The following CPPED1 variants were observed in gnomAD, a reference collection of about 807,000 sequenced individuals.
CPPED1 encodes the protein calcineurin like phosphoesterase domain containing 1, also known as serine/threonine-protein phosphatase CPPED1.
CPPED1 carries 28 observed loss-of-function variants against 28.0 expected under a neutral mutation model. The ratio of observed to expected loss-of-function variants is 1.00; its 90% CI spans 0.74 to 1.37. The LOEUF is 1.37. Ranked by LOEUF, CPPED1 falls within the 40% of genes most tolerant of loss-of-function variation. The probability of loss-of-function intolerance (pLI) is 0.00; values close to 1 mark genes in which losing one functional copy is unlikely to be tolerated. For missense variants in CPPED1, 504 were observed against 416.5 expected (o/e 1.21, Z -1.83); for synonymous variants, 198 against 180.2 (o/e 1.10, Z -0.79).
Position 12,757,358 on chromosome 16 carries a change from A to G in CPPED1, c.289+23827T>C, listed in dbSNP as rs777766333. The G allele has an allele frequency of 3.9e-5, 6 of 152,088 alleles. No homozygotes were observed. In the East Asian group the frequency reaches 5.8e-4, roughly 15 times the overall value. 9.4% of individuals were successfully genotyped at this position (152,088 alleles called of 1,614,324 possible). Reference sequence around the variant, plus strand: ...CATTACTACAAATTTGAAGGGCCCAATATAATGCAGTCGGCCTACAGGGTT... The same window carrying G: ...CATTACTACAAATTTGAAGGGCCCAGTATAATGCAGTCGGCCTACAGGGTT... On this transcript the variant is annotated intron_variant, in intron 2 of 3. Transcript: ENST00000381774.
chr16:12,779,679 T>G (rs2080518392), intron 2 of CPPED1, among the ~76,000 whole-genome samples: 1 of 152,016 alleles, frequency 6.6e-6, no homozygotes, highest in Non-Finnish European at 1.5e-5. Context: ...GCCCGGCCAT[T>G]CTCATGTTTT....
chr16:12,689,947 T>G (rs1318083736), intron 3 of CPPED1, among the ~76,000 whole-genome samples: 1 of 152,232 alleles, frequency 6.6e-6, no homozygotes, highest in Admixed American at 6.5e-5. Context: ...TCATCCTGAG[T>G]TGCTGCATAC....
chr16:12,697,161 A>G (rs951541435), intron 3 of CPPED1, among the ~76,000 whole-genome samples: 3 of 151,964 alleles, frequency 2.0e-5, no homozygotes, highest in Non-Finnish European at 4.4e-5. Flanking sequence ...AGTAGCTAGG[A>G]CTACAAGTGT....
intron 1 of CPPED1, among the ~76,000 whole-genome samples, chr16:12,795,969 G>T (rs1365388484): frequency 1.3e-5 from 2 of 151,882 alleles, no homozygotes; most frequent in Admixed American, 1.3e-4. Flanking sequence ...TGTAGTCCCA[G>T]CTACTTGGGA....
At chr16:12,728,129 T>A (rs2080178956) in intron 2 of CPPED1, among the ~76,000 whole-genome samples, 1 of 152,182 alleles carries the variant, frequency 6.6e-6, no homozygotes, top group Non-Finnish European at 1.5e-5. Flanking sequence ...CTGGATTTTG[T>A]GTCTTTTTCC....
At chr16:12,690,676 A>G (rs2079957856) in intron 3 of CPPED1, among the ~76,000 whole-genome samples, 1 of 151,958 alleles carries the variant, frequency 6.6e-6, no homozygotes, top group Admixed American at 6.5e-5. Flanking sequence ...AAAAAAAAAA[A>G]AAAAAGACAC....
At chr16:12,759,354 A>T (rs946929484) in intron 2 of CPPED1, 4 of 152,244 alleles carry the variant, frequency 2.6e-5, no homozygotes, top group African/African-American at 9.7e-5. Flanking sequence ...CACTTTCCTC[A>T]CCAGCATGGA....
intron 2 of CPPED1, among the ~76,000 whole-genome samples, chr16:12,719,695 A>T (rs896969037): frequency 1.3e-5 from 2 of 152,136 alleles, no homozygotes; most frequent in African/African-American, 2.4e-5. Context: ...AGCACTTTGG[A>T]AGGCCAAGGC....
chr16:12,743,897 T>G (rs2080269194), intron 2 of CPPED1, among the ~76,000 whole-genome samples: 1 of 151,896 alleles, frequency 6.6e-6, no homozygotes, highest in Non-Finnish European at 1.5e-5. Flanking sequence ...CTCAGCTACT[T>G]GGGAGGCTGA....
chr16:12,710,125 C>T (rs1300536928), intron 2 of CPPED1, among the ~76,000 whole-genome samples: 1 of 152,144 alleles, frequency 6.6e-6, no homozygotes, highest in African/African-American at 2.4e-5. Context: ...AACAAAAGAA[C>T]AAAACATCAA....
intron 3 of CPPED1, among the ~76,000 whole-genome samples, chr16:12,680,243 C>G (rs1305803514): frequency 6.6e-6 from 1 of 152,162 alleles, no homozygotes; most frequent in Admixed American, 6.5e-5. Context: ...GGTATATAAG[C>G]TTCAACCATT....
chr16:12,718,890 G>A (rs1403554212), intron 2 of CPPED1, among the ~76,000 whole-genome samples: 1 of 152,170 alleles, frequency 6.6e-6, no homozygotes, highest in Non-Finnish European at 1.5e-5. Flanking sequence ...TTGAACCCAG[G>A]AGGGGTAGGT....
rs1287163246 is a variant in CPPED1, at chr16:12,793,443, AG to A, written c.70+10263del. 2.0e-5 allele frequency among the ~76,000 whole-genome samples: 3 copies of A among 152,136 alleles called. No homozygotes were observed. The East Asian group carries it at 5.8e-4, about 29-fold the overall frequency. On this transcript the variant is annotated intron_variant, in intron 1 of 3. Transcript: ENST00000381774. The stretch of plus-strand genomic sequence containing the variant: ...GAAACCCTTAACTGAGTTCCAGTGG[AG>A]CTCAGACTGAGGCCTGAGTGCCCAA...
At chr16:12,780,585 A>C (rs774663191) in intron 2 of CPPED1, among the ~76,000 whole-genome samples, 7 of 152,126 alleles carry the variant, frequency 4.6e-5, no homozygotes, top group Non-Finnish European at 7.4e-5. Flanking sequence ...AGAGAGCCTG[A>C]ACGTAAATGA....
At chr16:12,799,683 C>A (rs1024179171) in intron 1 of CPPED1, among the ~76,000 whole-genome samples, 1 of 152,216 alleles carries the variant, frequency 6.6e-6, no homozygotes, top group Admixed American at 6.5e-5. Flanking sequence ...GTCAGGACCC[C>A]GGGGAATTGT....
intron 2 of CPPED1, among the ~76,000 whole-genome samples, chr16:12,727,941 G>A (rs2080178142): frequency 2.6e-5 from 4 of 152,192 alleles, no homozygotes; most frequent in Admixed American, 2.6e-4. Flanking sequence ...ATGCAACTAT[G>A]TTTTGTCATA....
intron 2 of CPPED1, among the ~76,000 whole-genome samples, chr16:12,734,410 G>A (rs923332957): frequency 2.1e-5 from 3 of 145,158 alleles, no homozygotes; most frequent in Admixed American, 6.8e-5. Flanking sequence ...ACGGAGTCTC[G>A]CTCTTGTCGC....
intron 2 of CPPED1, among the ~76,000 whole-genome samples, chr16:12,738,691 A>G (rs1026253901): frequency 1.3e-5 from 2 of 152,220 alleles, no homozygotes; most frequent in Non-Finnish European, 1.5e-5. Context: ...GTTTATGGGT[A>G]TGGACTAACC....
At chr16:12,693,523 A>G (rs928859996) in intron 3 of CPPED1, among the ~76,000 whole-genome samples, 1 of 152,084 alleles carries the variant, frequency 6.6e-6, no homozygotes, top group African/African-American at 2.4e-5. Context: ...CTTTCAACTC[A>G]ATCAATTCAT....
Sources: allele counts gnomAD v4.1 joint callset (sites outside exome capture counted in the v4.1 genomes callset), GRCh38; gene constraint gnomAD v4.1.1; transcripts MANE v1.5; gene names NCBI Gene and HGNC (gene_info 2026-07-23, HGNC 2026-07-21).